The following RTN1 variants were observed in gnomAD, a reference collection of about 807,000 sequenced individuals.
RTN1 encodes reticulon 1.
RTN1 carries 25 observed loss-of-function variants against 65.5 expected under a neutral mutation model. The ratio of observed to expected loss-of-function variants is 0.38; its 90% CI spans 0.28 to 0.53. The LOEUF (loss-of-function observed/expected upper bound fraction) is 0.53, where lower values mean the gene tolerates loss of function less well. RTN1 is among the 20% of genes least tolerant of loss of function. The pLI is 0.79. For missense variants in RTN1, 983 were observed against 1,025.4 expected (o/e 0.96, Z 0.57); for synonymous variants, 471 against 447.6 (o/e 1.05, Z -0.66).
chr14:59,816,122 A>G lies in RTN1; in HGVS notation c.241+54268T>C, dbSNP rs1489359342. ...TTCTCTCTCCCTAACACTTGAGTGT[A>G]GGATCCTTATGTCCTGTTTCTTTTA... On this transcript the variant is annotated intron_variant, in intron 1 of 8. Transcript: ENST00000267484. This position sits in a 1 kb window ranked among gnomAD's most constrained non-coding sequence, Gnocchi z 4.3. Among the ~76,000 whole-genome samples, 1 of 152,192 alleles carries G rather than the reference A, an allele frequency of 6.6e-6. No individual in the cohort carries two copies. Among genetic ancestry groups the G allele is most frequent in the Non-Finnish European group, 1.5e-5 (1 of 68,034 alleles).
chr14:59,819,383 GA>G (rs1463748873), intron 1 of RTN1, among the ~76,000 whole-genome samples: 4 of 113,126 alleles, frequency 3.5e-5, no homozygotes, highest in Non-Finnish European at 7.0e-5. Flanking sequence ...CCATTTTACA[GA>G]GAGCTGATTG....
chr14:59,706,084 T>C (rs1379383684), intron 3 of RTN1, among the ~76,000 whole-genome samples: 1 of 152,194 alleles, frequency 6.6e-6, no homozygotes. Context: ...GATTAACTCA[T>C]AAAGCAGGAG....
chr14:59,662,024 C>T (rs1399318872), intron 3 of RTN1, among the ~76,000 whole-genome samples: 1 of 152,166 alleles, frequency 6.6e-6, no homozygotes, highest in East Asian at 1.9e-4. Context: ...CCCAAAATCT[C>T]CTTAAGTTGA....
chr14:59,822,964 G>C (rs184928963), intron 1 of RTN1, among the ~76,000 whole-genome samples: 94 of 152,108 alleles, frequency 6.2e-4, no homozygotes, highest in Admixed American at 2.1e-3. Context: ...TTGATGAGAA[G>C]AATGTATATT....
intron 3 of RTN1, among the ~76,000 whole-genome samples, chr14:59,678,065 C>T (rs1425185682): frequency 1.3e-5 from 2 of 152,106 alleles, no homozygotes; most frequent in African/African-American, 4.8e-5. Context: ...GACTACCACG[C>T]TGTGGCCTGA....
At chr14:59,647,552 A>G (rs1047851590) in intron 3 of RTN1, among the ~76,000 whole-genome samples, 1 of 152,244 alleles carries the variant, frequency 6.6e-6, no homozygotes. Flanking sequence ...AGTTGGTTAT[A>G]TAACAATTTT....
intron 1 of RTN1, 115 bp from the exon 2 acceptor site, chr14:59,746,596 C>G: frequency 2.3e-6 from 2 of 869,280 alleles, no homozygotes; most frequent in Non-Finnish European, 3.5e-6. Context: ...TCTCCTTAAG[C>G]CCTCGGAGTT....
rs557033235 is a variant in RTN1 at position 59,816,230 on chromosome 14, CACAG to C, written c.241+54156_241+54159del. On this transcript the variant is annotated intron_variant, in intron 1 of 8. Transcript: ENST00000267484. The surrounding 1 kb of genome is among the most constrained non-coding windows in gnomAD (Gnocchi z 4.3). ...ACACAAGCTTGCGTGCGTGCACACA[CACAG>C]ACACACACACACACTAGTTACTCAG... Among the ~76,000 whole-genome samples, 222 of 152,010 alleles carry C rather than the reference CACAG, an allele frequency of 1.5e-3. 1 individual carries two copies. The highest frequency in any genetic ancestry group is 4.9e-3 in the African/African-American group (202 of 41,334).
At chr14:59,702,544 A>C (rs1485804357) in intron 3 of RTN1, among the ~76,000 whole-genome samples, 1 of 152,140 alleles carries the variant, frequency 6.6e-6, no homozygotes, top group Non-Finnish European at 1.5e-5. Context: ...AAAACTGTGG[A>C]GTCATCGCTG....
chr14:59,699,577 C>T (rs1353299582), intron 3 of RTN1, among the ~76,000 whole-genome samples: 1 of 152,096 alleles, frequency 6.6e-6, no homozygotes, highest in Non-Finnish European at 1.5e-5. Context: ...TAGAATGTAG[C>T]TCTTGGCCAG....
At chr14:59,730,019 C>T (rs1884866717) in intron 2 of RTN1, among the ~76,000 whole-genome samples, 1 of 152,184 alleles carries the variant, frequency 6.6e-6, no homozygotes, top group Admixed American at 6.5e-5. Context: ...TAACAGCTCC[C>T]TAATGTTAAG....
At chr14:59,735,656 G>A (rs902840289) in intron 2 of RTN1, among the ~76,000 whole-genome samples, 1 of 152,144 alleles carries the variant, frequency 6.6e-6, no homozygotes, top group Non-Finnish European at 1.5e-5. Flanking sequence ...ATTACATAAT[G>A]GTAAAGGATT....
chr14:59,779,481 G>T (rs1886113061), intron 1 of RTN1, among the ~76,000 whole-genome samples: 1 of 151,998 alleles, frequency 6.6e-6, no homozygotes, highest in Non-Finnish European at 1.5e-5. Context: ...ATCCTGCAGA[G>T]GGGGAAGGCA....
chr14:59,858,773 G>C (rs905439224), intron 1 of RTN1, among the ~76,000 whole-genome samples: 34 of 152,222 alleles, frequency 2.2e-4, no homozygotes, highest in African/African-American at 4.8e-4. Context: ...GAGAAAGAAG[G>C]AAAGGATCGT....
At chr14:59,630,406 C>A in intron 3 of RTN1, 1 of 1,612,304 alleles carries the variant, frequency 6.2e-7, no homozygotes, top group South Asian at 1.1e-5. Flanking sequence ...CCGGGTTTCC[C>A]GTGCGCCTCA....
intron 1 of RTN1, among the ~76,000 whole-genome samples, chr14:59,859,335 C>G (rs1887665043): frequency 6.6e-6 from 1 of 152,140 alleles, no homozygotes; most frequent in Non-Finnish European, 1.5e-5. Context: ...TTTCCCTGCC[C>G]AATCTCTCTT....
At chr14:59,791,305 T>C (rs1055619635) in intron 1 of RTN1, among the ~76,000 whole-genome samples, 4 of 152,164 alleles carry the variant, frequency 2.6e-5, no homozygotes, top group Admixed American at 6.6e-5. Flanking sequence ...CTCTCCTCCA[T>C]ATTATCTGAC....
chr14:59,788,248 G>C (rs2139584329), intron 1 of RTN1, among the ~76,000 whole-genome samples: 1 of 152,326 alleles, frequency 6.6e-6, no homozygotes, highest in South Asian at 2.1e-4. Context: ...TGGGGCTGCT[G>C]AACTGAACAG....
At chr14:59,843,594 G>A (rs751449209) in intron 1 of RTN1, among the ~76,000 whole-genome samples, 2 of 152,140 alleles carry the variant, frequency 1.3e-5, no homozygotes, top group Non-Finnish European at 2.9e-5. Context: ...TGCTAAGCAC[G>A]TGTAACTGCA....
Sources: gnomAD v4.1 joint callset for allele counts (sites outside exome capture counted in the v4.1 genomes callset) on GRCh38, gnomAD v4.1.1 for gene constraint, Gnocchi (gnomAD v3.1) non-coding constraint, MANE v1.5 for transcripts, NCBI Gene and HGNC (gene_info 2026-07-23, HGNC 2026-07-21) for gene names.